AGAP1: variants seen among roughly 807,000 people sequenced by gnomAD.
AGAP1 encodes the protein ArfGAP with GTPase domain, ankyrin repeat and PH domain 1.
AGAP1 carries 29 observed loss-of-function variants against 105.3 expected under a neutral mutation model. The observed-to-expected ratio is 0.28, with a 90% CI of 0.21 to 0.38. The LOEUF (loss-of-function observed/expected upper bound fraction) is 0.38. Ranked by LOEUF, AGAP1 falls within the 10% of genes least tolerant of loss-of-function variation. AGAP1 has a pLI of 1.00. For synonymous variants in AGAP1, 509 were observed against 485.9 expected, an observed-to-expected ratio of 1.05 and a Z score of -0.63; for missense variants, 998 against 1,165.1, an observed-to-expected ratio of 0.86 and a Z score of 2.09.
chr2:235,977,358 G>C lies in AGAP1; in HGVS notation c.1645+8735G>C, dbSNP rs1299449461. 6.6e-6 allele frequency among the ~76,000 whole-genome samples: 1 copy of C among 152,220 alleles called. No homozygotes were observed. Among genetic ancestry groups the C allele is most frequent in the Admixed American group, 6.5e-5 (1 of 15,280 alleles). On this transcript the variant is annotated intron_variant, in intron 13 of 17. Coordinates refer to ENST00000304032, the MANE Select transcript of AGAP1 (RefSeq NM_001037131.3). The surrounding 1 kb of genome is among the most constrained non-coding windows in gnomAD (Gnocchi z 5.2). Reference sequence around the variant, plus strand: ...CACTTGGACCAAGGTCCTGAAGCCAGAAGAGGGGCTGGTTCTAGCGGCCAG... The same window carrying C: ...CACTTGGACCAAGGTCCTGAAGCCACAAGAGGGGCTGGTTCTAGCGGCCAG...
chr2:236,010,727 G>T (rs2056481596), intron 13 of AGAP1, among the ~76,000 whole-genome samples: 1 of 152,184 alleles, frequency 6.6e-6, no homozygotes, highest in South Asian at 2.1e-4. Context: ...TCAACAGGAG[G>T]GCTCTGTGTG....
rs1037023461 is a variant in AGAP1 at position 235,535,522 on chromosome 2, C to T, written c.163+40673C>T. ...AAAAAAAAAAACATGAAATGAAATCCGTGTCCTCTTTATCCTCCCCTCTCT... is the reference window on the plus strand; with the variant it reads ...AAAAAAAAAAACATGAAATGAAATCTGTGTCCTCTTTATCCTCCCCTCTCT... On this transcript the variant is annotated intron_variant, in intron 1 of 17. Transcript: ENST00000304032. The surrounding 1 kb of genome is among the most constrained non-coding windows in gnomAD (Gnocchi z 5.1). 1.3e-5 allele frequency among the ~76,000 whole-genome samples: 2 copies of T among 150,340 alleles called. No homozygotes were observed. Among genetic ancestry groups the T allele is most frequent in the East Asian group, 2.0e-4 (1 of 5,110 alleles).
At chr2:235,858,929 C>T (rs2048797585) in intron 9 of AGAP1, among the ~76,000 whole-genome samples, 1 of 152,206 alleles carries the variant, frequency 6.6e-6, no homozygotes, top group South Asian at 2.1e-4. Flanking sequence ...ATCTAAAATT[C>T]TGGCTACAAA....
intron 16 of AGAP1, among the ~76,000 whole-genome samples, chr2:236,094,760 C>G (rs923671116): frequency 2.6e-5 from 4 of 151,568 alleles, no homozygotes; most frequent in Non-Finnish European, 4.4e-5. Flanking sequence ...TTCCACATAC[C>G]CAAAACAATG....
At chr2:235,670,560 G>A (rs769856940) in intron 1 of AGAP1, 1 of 495,678 alleles carries the variant, frequency 2.0e-6, no homozygotes, top group South Asian at 3.0e-5. Flanking sequence ...CGGAGCCTGA[G>A]CTTCAGGCAC....
rs186042256 is a variant in AGAP1 at position 235,932,096 on chromosome 2, G to C, written c.1483+1173G>C. On this transcript the variant is annotated intron_variant, in intron 12 of 17. Transcript: ENST00000304032. The stretch of plus-strand genomic sequence containing the variant: ...TAACCCTGAAAACCCCAAACAAGGA[G>C]GTTTGAAGTTATGATAAATTAACCG... Among the ~76,000 whole-genome samples the C allele has an allele frequency of 4.3e-3, 654 of 152,318 alleles. 9 individuals carry two copies. Among genetic ancestry groups the C allele is most frequent in the African/African-American group, 0.014 (599 of 41,582 alleles).
At chr2:236,094,359 ATTT>A (rs200607758) in intron 16 of AGAP1, among the ~76,000 whole-genome samples, 1 of 142,488 alleles carries the variant, frequency 7.0e-6, no homozygotes. Context: ...AGAGCTGAGA[ATTT>A]TTTTTTTTTT....
chr2:235,534,506 A>G (rs970751560), intron 1 of AGAP1, among the ~76,000 whole-genome samples: 2 of 152,114 alleles, frequency 1.3e-5, no homozygotes, highest in Non-Finnish European at 2.9e-5. Flanking sequence ...GGAGGTGCAC[A>G]TTTGGTAGTT....
In AGAP1 at chr2:235,787,314, CATCT is replaced by C. The variant is rs1384249439; in HGVS notation, c.674-10440_674-10437del. On this transcript the variant is annotated intron_variant, in intron 6 of 17. Coordinates refer to ENST00000304032, the MANE Select transcript of AGAP1 (RefSeq NM_001037131.3). The surrounding 1 kb of genome is among the most constrained non-coding windows in gnomAD (Gnocchi z 4.4). ...GCGTAACACTTTCTAATGTTTCATT[CATCT>C]ATCTGAGTTTTTCCTGCTTTAAGTG... is the stretch of plus-strand genomic sequence containing the variant. 6.6e-6 allele frequency among the ~76,000 whole-genome samples: 1 copy of C among 152,228 alleles called. No homozygotes were observed. The highest frequency in any genetic ancestry group is 1.5e-5 in the Non-Finnish European group (1 of 68,048).
In AGAP1 at chr2:236,045,074, C is replaced by A. The variant is rs1391641791; in HGVS notation, c.1892-3985C>A. Among the ~76,000 whole-genome samples, 2 of 152,112 alleles carry A rather than the reference C, an allele frequency of 1.3e-5. No individual in the cohort carries two copies. The highest frequency in any genetic ancestry group is 2.9e-5 in the Non-Finnish European group (2 of 68,016). ...TGACTACATGTGCGTGCCACCACGCCGACCTGATTTTTTAAATTTTTTGTA... is the reference window on the plus strand; with the variant it reads ...TGACTACATGTGCGTGCCACCACGCAGACCTGATTTTTTAAATTTTTTGTA... On this transcript the variant is annotated intron_variant, in intron 15 of 17. Transcript: ENST00000304032. The surrounding 1 kb of genome is among the most constrained non-coding windows in gnomAD (Gnocchi z 6.9).
intron 1 of AGAP1, among the ~76,000 whole-genome samples, chr2:235,590,503 C>G (rs139130299): frequency 6.6e-6 from 1 of 152,120 alleles, no homozygotes; most frequent in East Asian, 1.9e-4. Context: ...GGCTGGAAAC[C>G]GTGACCATGC....
chr2:235,575,491 G>A (rs796856984), intron 1 of AGAP1, among the ~76,000 whole-genome samples: 13 of 152,344 alleles, frequency 8.5e-5, no homozygotes, highest in African/African-American at 3.1e-4. Flanking sequence ...GAAACTGGAA[G>A]GCTTTCTCCT....
chr2:235,681,873 C>G (rs1410033230), intron 1 of AGAP1, among the ~76,000 whole-genome samples: 2 of 102,962 alleles, frequency 1.9e-5, no homozygotes, highest in Non-Finnish European at 3.6e-5. Flanking sequence ...TTTTTTGATA[C>G]AGAGTCTCAC....
rs2149265141 is a variant in AGAP1, at chr2:235,617,638, G to T, written c.164-91541G>T. On this transcript the variant is annotated intron_variant, in intron 1 of 17. Transcript: ENST00000304032. ...AATCGCTTGAACCTGGGAGGCGGAG[G>T]TTGCAGTGAGCCGAGATCCCGCCAC... Among the ~76,000 whole-genome samples, 3 of 152,232 alleles carry T rather than the reference G, an allele frequency of 2.0e-5. No homozygotes were observed. In the South Asian group the frequency reaches 6.2e-4, roughly 32 times the overall value.
At chr2:235,828,581 A>G (rs1959172703) in intron 9 of AGAP1, among the ~76,000 whole-genome samples, 1 of 152,184 alleles carries the variant, frequency 6.6e-6, no homozygotes, top group Non-Finnish European at 1.5e-5. Flanking sequence ...GTATGTCTTA[A>G]TTGATAAACC....
chr2:235,513,414 G>C (rs549691336), intron 1 of AGAP1, among the ~76,000 whole-genome samples: 1 of 149,802 alleles, frequency 6.7e-6, no homozygotes, highest in South Asian at 2.1e-4. Flanking sequence ...CCAGCTATTT[G>C]GGAGGTTGAG....
chr2:236,064,126 T>C (rs1404899381), intron 16 of AGAP1, among the ~76,000 whole-genome samples: 1 of 152,114 alleles, frequency 6.6e-6, no homozygotes, highest in Non-Finnish European at 1.5e-5. Context: ...ACAGGAAAAG[T>C]GACTTGCCTA....
Position 235,494,808 on chromosome 2 carries a change from T to C in AGAP1, c.122T>C (p.Val41Ala). 6.3e-7 allele frequency: 1 copy of C among 1,583,680 alleles called. No homozygotes were observed. Among genetic ancestry groups the C allele is most frequent in the Non-Finnish European group, 8.6e-7 (1 of 1,164,942 alleles). The change falls in exon 1 of 18, where the codon GTG becomes GCG. Residue 41 changes from valine (V) to alanine (A), a missense_variant. This residue lies in a region of AGAP1 where 735 missense variants were observed against 833.4 expected (regional missense o/e 0.88). Coordinates refer to ENST00000304032, the MANE Select transcript of AGAP1 (RefSeq NM_001037131.3). ...CTGCTGGAGCGCGTGGAGGAGCCGGTGCTGCAGAACCAGATCCGGGAGCAC... is the reference window on the plus strand; with the variant it reads ...CTGCTGGAGCGCGTGGAGGAGCCGGCGCTGCAGAACCAGATCCGGGAGCAC... The part of the protein sequence containing the change: ...YELLERVEEP[V>A]LQNQIREHVI...
In AGAP1 at chr2:235,982,453, G is replaced by C. The variant is rs1355367893; in HGVS notation, c.1645+13830G>C. Among the ~76,000 whole-genome samples, 1 of 152,190 alleles carries C rather than the reference G, an allele frequency of 6.6e-6. No homozygotes were observed. Among genetic ancestry groups the C allele is most frequent in the East Asian group, 1.9e-4 (1 of 5,204 alleles). On this transcript the variant is annotated intron_variant, in intron 13 of 17. Transcript: ENST00000304032. This position sits in a 1 kb window ranked among gnomAD's most constrained non-coding sequence, Gnocchi z 4.9. ...TAGGAGGTCAGAAGGAAGGGGGGAC[G>C]ATTCATGCAATGAGGCACTGCTGTT...
Sources: allele counts gnomAD v4.1 joint callset (sites outside exome capture counted in the v4.1 genomes callset), GRCh38; gene constraint gnomAD v4.1.1; regional missense constraint gnomAD v4.1.1; non-coding constraint Gnocchi (gnomAD v3.1); transcripts MANE v1.5; gene names NCBI Gene and HGNC (gene_info 2026-07-23, HGNC 2026-07-21).